PDE8A: variants seen among roughly 807,000 people sequenced by gnomAD.
PDE8A encodes phosphodiesterase 8A.
PDE8A carries 59 observed loss-of-function variants against 105.0 expected under a neutral mutation model. That is an observed-to-expected ratio of 0.56 (90% CI 0.46 to 0.70). PDE8A has a LOEUF of 0.70. Among genes scored for constraint, PDE8A ranks in the 30% least tolerant of loss-of-function variants. The probability of loss-of-function intolerance (pLI) is 0.00; values close to 1 mark genes in which losing one functional copy is unlikely to be tolerated. For missense variants in PDE8A, 1,014 were observed against 1,045.9 expected (o/e 0.97, Z 0.42); for synonymous variants, 355 against 371.9 (o/e 0.95, Z 0.52).
In PDE8A at chr15:85,134,117, T is replaced by C. The variant is rs151206334; in HGVS notation, c.2254-2417T>C. On this transcript the variant is annotated intron_variant, in intron 20 of 21. Coordinates refer to ENST00000394553, the MANE Select transcript of PDE8A (RefSeq NM_002605.3). Reference sequence around the variant, plus strand: ...GGAACGGGGGCCCCTGGACGTTCCATGCACTTGTCACATTGGGCCAAAGAG... The same window carrying C: ...GGAACGGGGGCCCCTGGACGTTCCACGCACTTGTCACATTGGGCCAAAGAG... 8.0e-3 allele frequency among the ~76,000 whole-genome samples: 1,220 copies of C among 152,314 alleles called. 20 individuals carry two copies. Among genetic ancestry groups the C allele is most frequent in the African/African-American group, 0.028 (1,159 of 41,566 alleles).
chr15:85,117,851 T>C lies in PDE8A; in HGVS notation c.1734+12T>C. ...AGGAGAGGATAAAGGTGAGCTGTTG[T>C]TTACCTGCCACATTTAATGGGCAGG... On this transcript the variant is annotated intron_variant, in intron 17 of 21. Transcript: ENST00000394553. The C allele has an allele frequency of 6.3e-7, 1 of 1,598,058 alleles. No homozygotes were observed. The highest frequency in any genetic ancestry group is 8.6e-7 in the Non-Finnish European group (1 of 1,165,802).
chr15:85,069,034 G>T (rs1007077341), intron 3 of PDE8A, among the ~76,000 whole-genome samples: 1 of 152,136 alleles, frequency 6.6e-6, no homozygotes, highest in African/African-American at 2.4e-5. Context: ...GAATGTTTTA[G>T]ACTGAAAGTT....
chr15:85,057,176 G>A (rs888473394), intron 1 of PDE8A, among the ~76,000 whole-genome samples: 4 of 152,078 alleles, frequency 2.6e-5, no homozygotes, highest in African/African-American at 7.2e-5. Flanking sequence ...TGGAAGCTTC[G>A]TCTCAGAGGT....
At chr15:85,001,565 T>C (rs2080067982) in intron 1 of PDE8A, among the ~76,000 whole-genome samples, 1 of 152,188 alleles carries the variant, frequency 6.6e-6, no homozygotes, top group Non-Finnish European at 1.5e-5. Flanking sequence ...TCCTAGGGAC[T>C]GGAAGAGCAT....
chr15:85,094,870 C>G (rs17540501), intron 8 of PDE8A, among the ~76,000 whole-genome samples: 21,120 of 152,142 alleles, frequency 0.14, 1,907 homozygotes, highest in Middle Eastern at 0.23. Context: ...CCTGATTAGT[C>G]TTACTGAGTC....
In PDE8A at chr15:85,138,620, T is replaced by C. The variant is rs1478471926; in HGVS notation, c.*717T>C. 6.6e-6 allele frequency: 1 copy of C among 152,544 alleles called. No homozygotes were observed. The highest frequency in any genetic ancestry group is 1.9e-4 in the East Asian group (1 of 5,202). 9.4% of individuals were successfully genotyped at this position (152,544 alleles called of 1,614,324 possible). A position where few individuals can be genotyped will look rare whatever the true frequency, so the allele number is the denominator to read the frequency against. On this transcript the variant is annotated 3_prime_UTR_variant, in exon 22 of 22. Coordinates refer to ENST00000394553, the MANE Select transcript of PDE8A (RefSeq NM_002605.3). ...ACACTTTTACTGCACTATAGAAATATTCATGTATGTTAAACTTTTCTGATT... is the reference window on the plus strand; with the variant it reads ...ACACTTTTACTGCACTATAGAAATACTCATGTATGTTAAACTTTTCTGATT...
At chr15:85,011,346 T>G (rs1169709913) in intron 1 of PDE8A, among the ~76,000 whole-genome samples, 7 of 152,196 alleles carry the variant, frequency 4.6e-5, no homozygotes, top group Non-Finnish European at 8.8e-5. Context: ...AAGACAGGTT[T>G]GGAGCCAGAG....
At chr15:85,038,022 AC>A (rs1173503726) in intron 1 of PDE8A, among the ~76,000 whole-genome samples, 1 of 152,260 alleles carries the variant, frequency 6.6e-6, no homozygotes, top group Non-Finnish European at 1.5e-5. Context: ...CATATTTGTT[AC>A]GTTTTACAAA....
chr15:85,084,616 A>G (rs1184652086), intron 6 of PDE8A, among the ~76,000 whole-genome samples: 1 of 152,230 alleles, frequency 6.6e-6, no homozygotes, highest in Non-Finnish European at 1.5e-5. Context: ...TTGGAGCAGT[A>G]GGTGATGTTG....
intron 1 of PDE8A, among the ~76,000 whole-genome samples, chr15:85,001,363 C>G (rs1272774408): frequency 6.6e-6 from 1 of 151,934 alleles, no homozygotes; most frequent in Non-Finnish European, 1.5e-5. Context: ...TTGCAATATT[C>G]CATTACAAAA....
At chr15:85,124,916 C>G (rs1397418323) in intron 19 of PDE8A, among the ~76,000 whole-genome samples, 1 of 152,210 alleles carries the variant, frequency 6.6e-6, no homozygotes, top group Admixed American at 6.5e-5. Context: ...TTATGGTTCT[C>G]ATCTCTGTTG....
intron 1 of PDE8A, among the ~76,000 whole-genome samples, chr15:85,021,194 A>G (rs370277901): frequency 6.6e-6 from 1 of 152,282 alleles, no homozygotes; most frequent in South Asian, 2.1e-4. Flanking sequence ...CCCTCACCAG[A>G]CACTGATCTT....
At chr15:85,132,715 C>T (rs946017427) in intron 20 of PDE8A, among the ~76,000 whole-genome samples, 10 of 152,118 alleles carry the variant, frequency 6.6e-5, no homozygotes, top group Admixed American at 5.9e-4. Flanking sequence ...CCTCAGCTTC[C>T]CAAAATGCTA....
At position 85,120,966 on chromosome 15, in the gene PDE8A, A is replaced by T; in HGVS notation, c.1904A>T (p.Gln635Leu). The T allele has an allele frequency of 6.2e-7, 1 of 1,614,036 alleles. No homozygotes were observed. The highest frequency in any genetic ancestry group is 8.5e-7 in the Non-Finnish European group (1 of 1,179,944). Residue 635 changes from glutamine to leucine, a missense_variant, in exon 18 of 22, where the codon CAG becomes CTG. Transcript: ENST00000394553. The part of the protein sequence containing the change: ...LESHHAALAF[Q>L]LTTGDDKCNI... Reference sequence around the variant, plus strand: ...AGCCACCATGCGGCCTTGGCCTTCCAGCTGACCACTGGAGATGATAAATGC... The same window carrying T: ...AGCCACCATGCGGCCTTGGCCTTCCTGCTGACCACTGGAGATGATAAATGC...
At chr15:85,049,445 A>T (rs1002532435) in intron 1 of PDE8A, among the ~76,000 whole-genome samples, 15 of 152,148 alleles carry the variant, frequency 9.9e-5, no homozygotes, top group African/African-American at 3.6e-4. Context: ...ATCATATAGA[A>T]TTTGTCTTTT....
chr15:85,041,472 T>C (rs2080807059), intron 1 of PDE8A, among the ~76,000 whole-genome samples: 2 of 152,244 alleles, frequency 1.3e-5, no homozygotes, highest in Admixed American at 1.3e-4. Context: ...GCTGTGGAGA[T>C]GCACATCCTC....
At chr15:85,029,196 C>G (rs1370488948) in intron 1 of PDE8A, among the ~76,000 whole-genome samples, 1 of 151,854 alleles carries the variant, frequency 6.6e-6, no homozygotes, top group Non-Finnish European at 1.5e-5. Flanking sequence ...TAATAATAGC[C>G]GATGTTTTGT....
In PDE8A at chr15:85,089,345, A is replaced by T; in HGVS notation, c.643A>T (p.Asn215Tyr). Reference sequence around the variant, plus strand: ...TTTTGTTTACTCATAAAGGGCTTGTAACTCAGTATTCACTGCATTAGAAAA... The same window carrying T: ...TTTTGTTTACTCATAAAGGGCTTGTTACTCAGTATTCACTGCATTAGAAAA... Reference protein sequence around the residue: ...VRSQLKLRACNSVFTALENSE... With the variant: ...VRSQLKLRACYSVFTALENSE... The change falls in exon 7 of 22, where the codon AAC (asparagine) becomes TAC (tyrosine). Residue 215 changes from asparagine to tyrosine, a missense_variant. Transcript: ENST00000394553. The T allele has an allele frequency of 6.4e-7, 1 of 1,559,778 alleles. No individual in the cohort carries two copies. The highest frequency in any genetic ancestry group is 8.8e-7 in the Non-Finnish European group (1 of 1,134,236).
intron 7 of PDE8A, 89 bp from the exon 8 acceptor site, chr15:85,090,955 T>C: frequency 4.1e-6 from 5 of 1,207,544 alleles, no homozygotes; most frequent in Non-Finnish European, 4.7e-6. Flanking sequence ...GGGAAAAACC[T>C]GAAGGGCTTA....
Sources: allele counts gnomAD v4.1 joint callset (sites outside exome capture counted in the v4.1 genomes callset), GRCh38; gene constraint gnomAD v4.1.1; transcripts MANE v1.5; gene names NCBI Gene and HGNC (gene_info 2026-07-23, HGNC 2026-07-21).